The following NUGGC variants were observed in gnomAD, a reference collection of about 807,000 sequenced individuals.
NUGGC encodes the protein nuclear GTPase, germinal center associated.
Under a neutral mutation model 92.6 loss-of-function variants are expected in NUGGC, and 58 were observed. The observed-to-expected ratio is 0.63, with a 90% CI of 0.51 to 0.78. The LOEUF (loss-of-function observed/expected upper bound fraction) is 0.78. NUGGC is among the 30% of genes least tolerant of loss of function. The pLI, the probability that NUGGC is intolerant of heterozygous loss-of-function variation, is 0.00. For synonymous variants in NUGGC, 376 were observed against 366.4 expected, an observed-to-expected ratio of 1.03 and a Z score of -0.30; for missense variants, 925 against 964.6, an observed-to-expected ratio of 0.96 and a Z score of 0.54.
chr8:28,032,578 C>T (rs2130086967), intron 14 of NUGGC, among the ~76,000 whole-genome samples: 1 of 152,078 alleles, frequency 6.6e-6, no homozygotes, highest in African/African-American at 2.4e-5. Context: ...ATTAGCCAGG[C>T]ATGGTGGCAG....
intron 10 of NUGGC, among the ~76,000 whole-genome samples, chr8:28,049,287 A>G (rs1325797277): frequency 6.6e-6 from 1 of 152,172 alleles, no homozygotes; most frequent in Non-Finnish European, 1.5e-5. Context: ...AAAAGAATCT[A>G]TCTGCTGAGA....
At chr8:28,062,371 C>T (rs1411037832) in intron 7 of NUGGC, among the ~76,000 whole-genome samples, 1 of 151,768 alleles carries the variant, frequency 6.6e-6, no homozygotes, top group Non-Finnish European at 1.5e-5. Flanking sequence ...GTAATCCCAA[C>T]ATTTTGGGAG....
chr8:28,041,691 T>C (rs1354605250), intron 12 of NUGGC, among the ~76,000 whole-genome samples: 2 of 152,246 alleles, frequency 1.3e-5, no homozygotes, highest in African/African-American at 4.8e-5. Flanking sequence ...TCCAAGGTCC[T>C]GGGATTCTGC....
At chr8:28,079,898 G>T (rs1232421047) in intron 1 of NUGGC, among the ~76,000 whole-genome samples, 1 of 151,272 alleles carries the variant, frequency 6.6e-6, no homozygotes, top group East Asian at 2.0e-4. Context: ...CCTGCAAACT[G>T]CTTTTTTGTT....
intron 18 of NUGGC, among the ~76,000 whole-genome samples, chr8:28,025,310 T>C (rs1324074414): frequency 6.6e-6 from 1 of 152,176 alleles, no homozygotes; most frequent in Admixed American, 6.5e-5. Flanking sequence ...CCCCCTGACA[T>C]GATGTATATT....
intron 8 of NUGGC, among the ~76,000 whole-genome samples, chr8:28,059,876 C>A (rs1427535997): frequency 6.6e-6 from 1 of 152,136 alleles, no homozygotes; most frequent in Non-Finnish European, 1.5e-5. Flanking sequence ...CAAAAATTAG[C>A]TGGGTGGACC....
At chr8:28,052,210 T>G (rs1266876726) in intron 10 of NUGGC, among the ~76,000 whole-genome samples, 4 of 152,202 alleles carry the variant, frequency 2.6e-5, no homozygotes, top group African/African-American at 4.8e-5. Flanking sequence ...TTATCAATAC[T>G]AAGAGGCACA....
At chr8:28,080,687 A>T (rs1810829187) in intron 1 of NUGGC, among the ~76,000 whole-genome samples, 1 of 152,200 alleles carries the variant, frequency 6.6e-6, no homozygotes, top group Admixed American at 6.5e-5. Flanking sequence ...TATATCTTAG[A>T]TGGTAAGATC....
In NUGGC at chr8:28,023,404, C is replaced by T. The variant is rs765700940; in HGVS notation, c.2304G>A (p.Ala768=). The change falls in exon 19 of 19, where the codon GCG becomes GCA. Residue 768 remains alanine (A), a synonymous_variant. Transcript: ENST00000413272. The part of the protein sequence containing the change: ...EKLHRSLREV[A]ENARLRKGMQ... ...TGCCCTTCCTCAGCCGTGCATTCTC[C>T]GCGACCTCCCTCAGGCTTCTGTGCA... 84 of 1,613,814 alleles carry T rather than the reference C, an allele frequency of 5.2e-5. No homozygotes were observed. Among genetic ancestry groups the T allele is most frequent in the East Asian group, 5.1e-4 (23 of 44,890 alleles).
At chr8:28,044,418 G>A (rs1293201318) in intron 12 of NUGGC, among the ~76,000 whole-genome samples, 1 of 152,184 alleles carries the variant, frequency 6.6e-6, no homozygotes, top group Non-Finnish European at 1.5e-5. Flanking sequence ...GCAGGCAGGG[G>A]AGTGGAAAAG....
At chr8:28,058,035 TAC>T (rs1810192250) in intron 9 of NUGGC, among the ~76,000 whole-genome samples, 1 of 151,722 alleles carries the variant, frequency 6.6e-6, no homozygotes, top group African/African-American at 2.4e-5. Context: ...CTACTAAAAA[TAC>T]AAAAATTAGC....
rs561844649 is a variant in NUGGC at position 28,023,329 on chromosome 8, C to T, written c.2379G>A (p.Gly793=). 38 of 1,613,430 alleles carry T rather than the reference C, an allele frequency of 2.4e-5. No homozygotes were observed. The South Asian group carries it at 3.2e-4, about 14-fold the overall frequency. The part of the protein sequence containing the change: ...RASPSKAGPP[G]TSL ...TAAGCCCCAGGAGTTACAGTGATGT[C>T]CCGGGGGGGCCAGCCTTGCTGGGGG... Residue 793 remains glycine (G), a synonymous_variant, in exon 19 of 19, where the codon GGG becomes GGA. Coordinates refer to ENST00000413272, the MANE Select transcript of NUGGC (RefSeq NM_001010906.2).
At chr8:28,032,166 G>T (rs1009344448) in intron 14 of NUGGC, among the ~76,000 whole-genome samples, 5 of 152,168 alleles carry the variant, frequency 3.3e-5, no homozygotes, top group South Asian at 2.1e-4. Flanking sequence ...TGTCTTGAAC[G>T]CGTTCTAAGG....
chr8:28,060,938 C>A (rs1457952645), intron 7 of NUGGC, among the ~76,000 whole-genome samples: 1 of 152,204 alleles, frequency 6.6e-6, no homozygotes, highest in Non-Finnish European at 1.5e-5. Flanking sequence ...CTGCTCTCTG[C>A]CCCTTGATGG....
chr8:28,038,081 C>T (rs899428218), intron 13 of NUGGC, among the ~76,000 whole-genome samples: 6 of 152,120 alleles, frequency 3.9e-5, no homozygotes, highest in African/African-American at 1.4e-4. Flanking sequence ...TTCAGCTCAT[C>T]CCCCAGGCCC....
chr8:28,068,150 C>T (rs879121626), intron 5 of NUGGC, 66 bp downstream of exon 5: 110 of 959,634 alleles, frequency 1.1e-4, no homozygotes, highest in East Asian at 6.8e-4. Flanking sequence ...AAGGAGGGAA[C>T]GAAAAAGGAA....
At chr8:28,029,471 G>A (rs777863132) in intron 16 of NUGGC, 69 bp from the exon 17 acceptor site, 115 of 1,556,060 alleles carry the variant, frequency 7.4e-5, no homozygotes, top group Non-Finnish European at 9.4e-5. Context: ...CACCATGGCC[G>A]GGCATGGTGG....
chr8:28,055,390 C>G (rs551937265), intron 10 of NUGGC, among the ~76,000 whole-genome samples: 1 of 152,334 alleles, frequency 6.6e-6, no homozygotes, highest in East Asian at 1.9e-4. Context: ...AATTCCTCCA[C>G]TGTATGGAGA....
chr8:28,033,761 G>A lies in NUGGC; in HGVS notation c.1612-64C>T, dbSNP rs7015759. 1.5e-3 allele frequency: 2,051 copies of A among 1,400,852 alleles called. 33 individuals carry two copies. The African/African-American group carries it at 0.027, about 18-fold the overall frequency. The allele number at this position is 1,400,852 out of a possible 1,614,324, so 86.8% of individuals were successfully genotyped here. ...ACTGGAAGGTCACTGGATTAGAATTGCATTGCCCTGGCCAAAGATCACTAC... is the reference window on the plus strand; with the variant it reads ...ACTGGAAGGTCACTGGATTAGAATTACATTGCCCTGGCCAAAGATCACTAC... On this transcript the variant is annotated intron_variant, in intron 13 of 18. Transcript: ENST00000413272.
Sources: gnomAD v4.1 joint callset for allele counts (sites outside exome capture counted in the v4.1 genomes callset) on GRCh38, gnomAD v4.1.1 for gene constraint, MANE v1.5 for transcripts, NCBI Gene and HGNC (gene_info 2026-07-23, HGNC 2026-07-21) for gene names.